The following MIB1 variants were observed in gnomAD, a reference collection of about 807,000 sequenced individuals.
The protein encoded by MIB1 is MIB E3 ubiquitin protein ligase 1.
In MIB1, 278 loss-of-function variants were observed where a neutral mutation model predicts 124.5. The observed-to-expected ratio is 2.23, with a 90% CI of 2.02 to 2.47. MIB1 has a LOEUF of 2.47. MIB1 is among the 30% of genes most tolerant of loss of function. MIB1 has a pLI of 0.00. For missense variants in MIB1, 957 were observed against 1,254.4 expected, an observed-to-expected ratio of 0.76 and a Z score of 3.58; for synonymous variants, 446 against 429.4, an observed-to-expected ratio of 1.04 and a Z score of -0.48.
chr18:21,768,117 T>C (rs1392091999), intron 2 of MIB1, among the ~76,000 whole-genome samples: 1 of 152,208 alleles, frequency 6.6e-6, no homozygotes, highest in Non-Finnish European at 1.5e-5. Context: ...ATTGTAGTGC[T>C]GTCTTTCTTG....
Position 21,815,618 on chromosome 18 carries a change from T to G in MIB1, c.1482T>G (p.Asp494Glu). ...CACATTTCAATACTAATGATTAGGA[T>G]AAAGATGGTGATAGAGCAGTTCACC... is the stretch of plus-strand genomic sequence containing the variant. ...LKQNVDVEAE[D>E]KDGDRAVHHA... Residue 494 changes from aspartate (D) to glutamate (E), a missense_variant and splice_region_variant, in exon 11 of 21, where the codon GAT becomes GAG. Coordinates refer to ENST00000261537, the MANE Select transcript of MIB1 (RefSeq NM_020774.4). The G allele has an allele frequency of 6.2e-7, 1 of 1,613,570 alleles. No homozygotes were observed.
At chr18:21,723,486 T>G (rs1313604128) in intron 1 of MIB1, among the ~76,000 whole-genome samples, 2 of 152,194 alleles carry the variant, frequency 1.3e-5, no homozygotes, top group Non-Finnish European at 1.5e-5. Flanking sequence ...AATATATGTA[T>G]GTATATTAAA....
chr18:21,788,541 C>T (rs1033329188), intron 6 of MIB1, among the ~76,000 whole-genome samples: 1 of 152,172 alleles, frequency 6.6e-6, no homozygotes, highest in Non-Finnish European at 1.5e-5. Context: ...GAATACTTAC[C>T]CGGTAACATC....
intron 11 of MIB1, among the ~76,000 whole-genome samples, chr18:21,818,876 A>T (rs1235365748): frequency 6.6e-6 from 1 of 152,184 alleles, no homozygotes; most frequent in Admixed American, 6.5e-5. Flanking sequence ...TGGAGGTTGC[A>T]GTGAGCTGAG....
chr18:21,744,083 T>C (rs566524569), intron 1 of MIB1, among the ~76,000 whole-genome samples: 50 of 151,290 alleles, frequency 3.3e-4, no homozygotes, highest in African/African-American at 1.1e-3. Context: ...TTTCAACCTT[T>C]TAAATTCTTC....
chr18:21,817,154 CTTTTTTTTTTTT>C (rs1040673828), intron 11 of MIB1, among the ~76,000 whole-genome samples: 5 of 74,996 alleles, frequency 6.7e-5, no homozygotes, highest in Admixed American at 3.9e-4. Context: ...GTTAGGAATT[CTTTTTTTTTTTT>C]TTTTTTTTTT....
At chr18:21,713,612 CAAAAAA>C (rs57282241) in intron 1 of MIB1, among the ~76,000 whole-genome samples, 1 of 44,212 alleles carries the variant, frequency 2.3e-5, no homozygotes, top group Non-Finnish European at 4.7e-5. Context: ...GATTCTGTCT[CAAAAAA>C]AAAAAAAAAA....
At chr18:21,773,310 T>C (rs1368883984) in intron 3 of MIB1, among the ~76,000 whole-genome samples, 1 of 152,156 alleles carries the variant, frequency 6.6e-6, no homozygotes, top group Non-Finnish European at 1.5e-5. Flanking sequence ...AAGGAATCTC[T>C]TTAAGAATAA....
At chr18:21,720,492 T>A (rs2040709423) in intron 1 of MIB1, among the ~76,000 whole-genome samples, 2 of 113,800 alleles carry the variant, frequency 1.8e-5, no homozygotes, top group South Asian at 5.3e-4. Context: ...TTTCAAATAA[T>A]TTTTTTTTTT....
At chr18:21,860,482 A>C (rs2042267664) in intron 20 of MIB1, among the ~76,000 whole-genome samples, 1 of 152,178 alleles carries the variant, frequency 6.6e-6, no homozygotes, top group Non-Finnish European at 1.5e-5. Flanking sequence ...TAAGATAAAA[A>C]AATTAGCAAA....
chr18:21,786,241 C>T (rs1194969315), intron 6 of MIB1, among the ~76,000 whole-genome samples: 5 of 152,020 alleles, frequency 3.3e-5, no homozygotes, highest in Admixed American at 1.3e-4. Context: ...GGACTACAGG[C>T]GCCTGCCACG....
Position 21,779,529 on chromosome 18 carries a change from T to TG in MIB1, c.754dup (p.Val252GlyfsTer22). The TG allele has an allele frequency of 6.2e-7, 1 of 1,614,132 alleles. No homozygotes were observed. The highest frequency in any genetic ancestry group is 8.5e-7 in the Non-Finnish European group (1 of 1,179,992). ...CCTGGTGGATTGCAGATTGGTGACC[T>TG]GGTAAATATAGATCTCGACCTCGAA... On this transcript the variant is annotated frameshift_variant, in exon 6 of 21. Transcript: ENST00000261537. LOFTEE classifies it high-confidence loss of function.
intron 9 of MIB1, among the ~76,000 whole-genome samples, chr18:21,800,931 T>C (rs1479087103): frequency 6.6e-6 from 1 of 152,114 alleles, no homozygotes; most frequent in African/African-American, 2.4e-5. Flanking sequence ...ATTTCCTTTG[T>C]ATTCCAGTCA....
At chr18:21,851,158 C>G (rs1274089140) in intron 17 of MIB1, among the ~76,000 whole-genome samples, 1 of 152,084 alleles carries the variant, frequency 6.6e-6, no homozygotes, top group Non-Finnish European at 1.5e-5. Flanking sequence ...CTTATAAAAG[C>G]TGCAGCTCAA....
rs772811141 is a variant in MIB1, at chr18:21,868,270, C to T, written c.*3604C>T. ...CTGAAACTCCATACCCATTAAACAA[C>T]TCCCCTTTTTGTTTTCTCCTCAGTG... is the stretch of plus-strand genomic sequence containing the variant. On this transcript the variant is annotated 3_prime_UTR_variant, in exon 21 of 21. Coordinates refer to ENST00000261537, the MANE Select transcript of MIB1 (RefSeq NM_020774.4). 3.9e-5 allele frequency: 6 copies of T among 152,274 alleles called. No individual in the cohort carries two copies. Among genetic ancestry groups the T allele is most frequent in the South Asian group, 4.1e-4 (2 of 4,832 alleles). 9.4% of individuals were successfully genotyped at this position (152,274 alleles called of 1,614,324 possible).
chr18:21,772,292 G>C (rs186530168), intron 3 of MIB1, among the ~76,000 whole-genome samples: 2 of 152,198 alleles, frequency 1.3e-5, no homozygotes, highest in Middle Eastern at 3.2e-3. Context: ...GGCTGTGATT[G>C]TAAGTATCAA....
rs752605883 is a variant in MIB1 at position 21,765,808 on chromosome 18, G to T, written c.266G>T (p.Arg89Leu). Reference sequence around the variant, plus strand: ...GATGGAACCATGTGTGATACCTGCCGCCAGCAACCAATCATTGGCATTCGA... The same window carrying T: ...GATGGAACCATGTGTGATACCTGCCTCCAGCAACCAATCATTGGCATTCGA... ...KHDGTMCDTC[R>L]QQPIIGIRWK... Residue 89 changes from arginine (R) to leucine (L), a missense_variant, in exon 2 of 21, where the codon CGC (arginine) becomes CTC (leucine). Arg to Leu is a moderately radical substitution (Grantham distance 102). Coordinates refer to ENST00000261537, the MANE Select transcript of MIB1 (RefSeq NM_020774.4). The T allele has an allele frequency of 1.8e-5, 29 of 1,613,906 alleles. No homozygotes were observed. In the South Asian group the frequency reaches 2.5e-4, roughly 14 times the overall value.
intron 1 of MIB1, among the ~76,000 whole-genome samples, chr18:21,713,241 T>G (rs1203320168): frequency 2.9e-5 from 4 of 137,854 alleles, no homozygotes; most frequent in African/African-American, 1.2e-4. Context: ...AGTGCTGGGA[T>G]TACAACCCTG....
In MIB1 at chr18:21,756,558, G is replaced by C. The variant is rs541197746; in HGVS notation, c.230-9214G>C. Among the ~76,000 whole-genome samples the C allele has an allele frequency of 1.4e-3, 206 of 152,052 alleles. 2 individuals are homozygous for C. The highest frequency in any genetic ancestry group is 3.4e-3 in the Middle Eastern group (1 of 294). On this transcript the variant is annotated intron_variant, in intron 1 of 20. Coordinates refer to ENST00000261537, the MANE Select transcript of MIB1 (RefSeq NM_020774.4). The stretch of plus-strand genomic sequence containing the variant: ...TGGCTCGCTGCAACCTTTGCCTCCC[G>C]GGTTCAAGTGATCCACCTGTCTCAG...
Sources: allele counts gnomAD v4.1 joint callset (sites outside exome capture counted in the v4.1 genomes callset), GRCh38; gene constraint gnomAD v4.1.1; transcripts MANE v1.5; gene names NCBI Gene and HGNC (gene_info 2026-07-23, HGNC 2026-07-21).